FAHD2B: variants seen among roughly 807,000 people sequenced by gnomAD.
FAHD2B encodes the protein oxaloacetate tautomerase FAHD2B, mitochondrial.
Under a neutral mutation model 33.7 loss-of-function variants are expected in FAHD2B, and 26 were observed. That is an observed-to-expected ratio of 0.77 (90% CI 0.57 to 1.07). The LOEUF (loss-of-function observed/expected upper bound fraction) is 1.07. Among genes scored for constraint, FAHD2B ranks in the 50% least tolerant of loss-of-function variants. The pLI, the probability that FAHD2B is intolerant of heterozygous loss-of-function variation, is 0.00. For missense variants in FAHD2B, 272 were observed against 388.1 expected (o/e 0.70, Z 2.51); for synonymous variants, 108 against 150.9 (o/e 0.72, Z 2.08).
intron 1 of FAHD2B, among the ~76,000 whole-genome samples, chr2:97,093,768 C>A (rs930834999): frequency 1.3e-5 from 2 of 152,090 alleles, no homozygotes; most frequent in African/African-American, 2.4e-5. Context: ...CCACGGCGCC[C>A]GGCCTGATTT....
chr2:97,090,225 C>T lies in FAHD2B; in HGVS notation c.346G>A (p.Val116Met). ...DKVVCVGMNYVDHCKEQNVPV... is the reference protein window; with the variant it reads ...DKVVCVGMNYMDHCKEQNVPV... ...ACGTTCTGTTCTTTGCAGTGGTCCA[C>T]ATAATTCATGCCCACACACACCACC... The change falls in exon 4 of 9, where the codon GTG becomes ATG. Residue 116 changes from valine (V) to methionine (M), a missense_variant. Transcript: ENST00000414820. 2.5e-6 allele frequency: 4 copies of T among 1,608,192 alleles called. No homozygotes were observed. Among genetic ancestry groups the T allele is most frequent in the Non-Finnish European group, 2.5e-6 (3 of 1,177,376 alleles).
At chr2:97,083,089 T>C (rs1014418885), downstream of FAHD2B, 1 of 1,489,768 alleles carries the variant, frequency 6.7e-7, no homozygotes. Flanking sequence ...CCCTGAGCCA[T>C]GCAGACACAG....
downstream of FAHD2B, among the ~76,000 whole-genome samples, chr2:97,080,029 CATTCTT>C (rs59556350): frequency 4.9e-4 from 74 of 152,214 alleles, 1 homozygote; most frequent in African/African-American, 1.6e-3. Flanking sequence ...ACTTTTCTCT[CATTCTT>C]TAGGTTGTCT....
At position 97,086,403 on chromosome 2, in the gene FAHD2B, A is replaced by G. The variant is rs6746302; in HGVS notation, c.463-205T>C. Reference sequence around the variant, plus strand: ...TGGGCAGTGGCAGACAGCATCATGGAATACAGGCACAGGTCCCCACACCAC... The same window carrying G: ...TGGGCAGTGGCAGACAGCATCATGGGATACAGGCACAGGTCCCCACACCAC... On this transcript the variant is annotated intron_variant, in intron 4 of 8. Coordinates refer to ENST00000414820, the MANE Select transcript of FAHD2B (RefSeq NM_001320848.2). 94 of 619,696 alleles carry G rather than the reference A, an allele frequency of 1.5e-4. 1 individual carries two copies. The highest frequency in any genetic ancestry group is 6.9e-4 in the Admixed American group (24 of 34,654). 38.4% of individuals were successfully genotyped at this position (619,696 alleles called of 1,614,324 possible).
At chr2:97,093,228 G>A (rs1574385789) in intron 1 of FAHD2B, among the ~76,000 whole-genome samples, 1 of 152,094 alleles carries the variant, frequency 6.6e-6, no homozygotes, top group Middle Eastern at 3.4e-3. Context: ...GATTCAATCT[G>A]CCTTGTTCAG....
chr2:97,080,030 A>T (rs1188163521), downstream of FAHD2B, among the ~76,000 whole-genome samples: 2 of 151,838 alleles, frequency 1.3e-5, no homozygotes, highest in Non-Finnish European at 2.9e-5. Flanking sequence ...CTTTTCTCTC[A>T]TTCTTTAGGT....
rs564773691 is a variant in FAHD2B at position 97,091,683 on chromosome 2, T to C, written c.24A>G (p.Arg8=). MLVSGRR[R]LLTALLQAQK... ...GAGCCTGCAGCAGAGCTGTGAGTAA[T>C]CTTCTTCTACCAGACACCAGCATCA... Residue 8 remains arginine, a synonymous_variant, in exon 3 of 9, where the codon AGA becomes AGG. Transcript: ENST00000414820. The C allele has an allele frequency of 7.6e-4, 1,233 of 1,612,750 alleles. 19 individuals are homozygous for C. The South Asian group carries it at 0.012, about 15-fold the overall frequency.
chr2:97,087,794 G>A (rs1291475155), intron 4 of FAHD2B, among the ~76,000 whole-genome samples: 1 of 152,118 alleles, frequency 6.6e-6, no homozygotes, highest in African/African-American at 2.4e-5. Context: ...GGGGCAATAA[G>A]ATAGTTATGT....
At chr2:97,079,922 C>T (rs1480676634), downstream of FAHD2B, among the ~76,000 whole-genome samples, 1 of 152,074 alleles carries the variant, frequency 6.6e-6, no homozygotes, top group Admixed American at 6.6e-5. Context: ...GCCTTGGCCT[C>T]CCACAGTGCT....
intron 4 of FAHD2B, among the ~76,000 whole-genome samples, chr2:97,087,495 C>G (rs945513347): frequency 6.6e-6 from 1 of 151,974 alleles, no homozygotes; most frequent in Non-Finnish European, 1.5e-5. Flanking sequence ...GTGAGGAGTT[C>G]AAGACCAGCC....
chr2:97,090,345 T>A lies in FAHD2B; in HGVS notation c.246-20A>T, dbSNP rs1317350519. ...AAGGCTCTGTAGAGACCAGAGCAGG[T>A]GAGAGGGTCTGGCTGGGAACAGGTG... On this transcript the variant is annotated intron_variant, in intron 3 of 8. Transcript: ENST00000414820. The A allele has an allele frequency of 1.7e-5, 27 of 1,544,920 alleles. No homozygotes were observed.
In FAHD2B at chr2:97,086,186, C is replaced by T; in HGVS notation, c.475G>A (p.Glu159Lys). 1.2e-6 allele frequency: 2 copies of T among 1,612,114 alleles called. No homozygotes were observed. Among genetic ancestry groups the T allele is most frequent in the Non-Finnish European group, 1.7e-6 (2 of 1,179,290 alleles). The change falls in exon 5 of 9, where the codon GAA becomes AAA. Residue 159 changes from glutamate to lysine, a missense_variant. By Grantham distance (56) the Glu-to-Lys change is moderately conservative. Coordinates refer to ENST00000414820, the MANE Select transcript of FAHD2B (RefSeq NM_001320848.2). ...CCAATGACCACGGCCAGCTCCACTT[C>T]CCAATCTACCTCCTGTAGGGTGGGA... ...LPPQSQEVDW[E>K]VELAVVIGKK...
At chr2:97,086,409 G>A in intron 4 of FAHD2B, 1 of 607,332 alleles carries the variant, frequency 1.6e-6, no homozygotes. Flanking sequence ...ATGGAATACA[G>A]GCACAGGTCC....
chr2:97,085,233 C>T (rs1257091), intron 6 of FAHD2B, among the ~76,000 whole-genome samples: 2 of 150,414 alleles, frequency 1.3e-5, no homozygotes, highest in African/African-American at 4.9e-5. Context: ...TAAGAGGCTG[C>T]GCTCTGCCCT....
rs1317087293 is a variant in FAHD2B, at chr2:97,084,012, T to G, written c.818A>C (p.Asp273Ala). Reference sequence around the variant, plus strand: ...TGGGGGGGTCCCAGTTAGGATGACATCCCCTGGGTAAAAGGTAACAAACCT... The same window carrying G: ...TGGGGGGGTCCCAGTTAGGATGACAGCCCCTGGGTAAAAGGTAACAAACCT... ...VSQFVTFYPG[D>A]VILTGTPPGV... Residue 273 changes from aspartate to alanine, a missense_variant, in exon 8 of 9, where the codon GAT (aspartate) becomes GCT (alanine). Physicochemically the swap from Asp to Ala is moderately radical, Grantham distance 126. Coordinates refer to ENST00000414820, the MANE Select transcript of FAHD2B (RefSeq NM_001320848.2). 16 of 1,613,468 alleles carry G rather than the reference T, an allele frequency of 9.9e-6. No homozygotes were observed. Among genetic ancestry groups the G allele is most frequent in the Non-Finnish European group, 1.3e-5 (15 of 1,179,942 alleles).
chr2:97,094,165 A>ATT (rs2032522898), intron 1 of FAHD2B, among the ~76,000 whole-genome samples: 1 of 152,054 alleles, frequency 6.6e-6, no homozygotes. Context: ...CTCTCTGGCT[A>ATT]TTGCCTCAGG....
Position 97,086,174 on chromosome 2 carries a change from C to T in FAHD2B, c.487G>A (p.Ala163Thr). 2 of 1,612,682 alleles carry T rather than the reference C, an allele frequency of 1.2e-6. No individual in the cohort carries two copies. The highest frequency in any genetic ancestry group is 1.7e-6 in the Non-Finnish European group (2 of 1,179,538). Reference sequence around the variant, plus strand: ...TTGCCTTTCTTTCCAATGACCACGGCCAGCTCCACTTCCCAATCTACCTCC... The same window carrying T: ...TTGCCTTTCTTTCCAATGACCACGGTCAGCTCCACTTCCCAATCTACCTCC... Reference protein sequence around the residue: ...SQEVDWEVELAVVIGKKGKHI... With the variant: ...SQEVDWEVELTVVIGKKGKHI... Residue 163 changes from alanine to threonine, a missense_variant, in exon 5 of 9, where the codon GCC (alanine) becomes ACC (threonine). Coordinates refer to ENST00000414820, the MANE Select transcript of FAHD2B (RefSeq NM_001320848.2).
intron 4 of FAHD2B, among the ~76,000 whole-genome samples, chr2:97,087,282 A>G (rs1157101837): frequency 6.6e-6 from 1 of 152,060 alleles, no homozygotes; most frequent in Non-Finnish European, 1.5e-5. Context: ...TGATCTCCTG[A>G]ACTCGTGATC....
chr2:97,084,224 T>C lies in FAHD2B; in HGVS notation c.739A>G (p.Ser247Gly). The C allele has an allele frequency of 1.2e-6, 2 of 1,613,820 alleles. No individual in the cohort carries two copies. The highest frequency in any genetic ancestry group is 8.5e-7 in the Non-Finnish European group (1 of 1,179,860). ...CRVNGEVVQSSNTNQMVFKTE... is the reference protein window; with the variant it reads ...CRVNGEVVQSGNTNQMVFKTE... ...TTGAATACCATCTGGTTGGTGTTGCTGCTCTGGACGACTTCCCCATTCACT... is the reference window on the plus strand; with the variant it reads ...TTGAATACCATCTGGTTGGTGTTGCCGCTCTGGACGACTTCCCCATTCACT... Residue 247 changes from serine (S) to glycine (G), a missense_variant, in exon 7 of 9, where the codon AGC becomes GGC. Coordinates refer to ENST00000414820, the MANE Select transcript of FAHD2B (RefSeq NM_001320848.2).
Sources: gnomAD v4.1 joint callset for allele counts (sites outside exome capture counted in the v4.1 genomes callset) on GRCh38, gnomAD v4.1.1 for gene constraint, MANE v1.5 for transcripts, NCBI Gene and HGNC (gene_info 2026-07-23, HGNC 2026-07-21) for gene names.